The following ASIC2 variants were observed in gnomAD, a reference collection of about 807,000 sequenced individuals.
The protein encoded by ASIC2 is acid sensing ion channel subunit 2, also known as acid-sensing ion channel 2.
Under a neutral mutation model 57.3 loss-of-function variants are expected in ASIC2, and 25 were observed. That is an observed-to-expected ratio of 0.44 (90% CI 0.32 to 0.61). The LOEUF (loss-of-function observed/expected upper bound fraction) is 0.61. Ranked by LOEUF, ASIC2 falls within the 20% of genes least tolerant of loss-of-function variation. The pLI is 0.06. For synonymous variants in ASIC2, 319 were observed against 307.5 expected (o/e 1.04, Z -0.39); for missense variants, 641 against 738.1 (o/e 0.87, Z 1.52).
intron 1 of ASIC2, among the ~76,000 whole-genome samples, chr17:33,799,224 C>T (rs1432258445): frequency 6.6e-6 from 1 of 151,468 alleles, no homozygotes; most frequent in Non-Finnish European, 1.5e-5. Context: ...TCCTTCCTTC[C>T]TTCCTTCTTC....
Position 33,631,373 on chromosome 17 carries a change from T to A in ASIC2, c.556-519306A>T, listed in dbSNP as rs149915958. 2.3e-3 allele frequency among the ~76,000 whole-genome samples: 341 copies of A among 150,356 alleles called. 1 individual carries two copies. Among genetic ancestry groups the A allele is most frequent in the African/African-American group, 8.0e-3 (325 of 40,788 alleles). ...AGTTTCTTTTTGATGCCAGCCCGTC[T>A]CAGCTATACTAAGGAGAAACAGAGA... On this transcript the variant is annotated intron_variant, in intron 1 of 9. Transcript: ENST00000359872.
intron 1 of ASIC2, among the ~76,000 whole-genome samples, chr17:33,879,861 C>T (rs893556798): frequency 5.3e-5 from 8 of 152,324 alleles, no homozygotes; most frequent in African/African-American, 1.9e-4. Context: ...GGAAGTAAAG[C>T]TCTCCTCAGA....
chr17:33,762,299 T>C (rs1166969259), intron 1 of ASIC2, among the ~76,000 whole-genome samples: 1 of 152,150 alleles, frequency 6.6e-6, no homozygotes, highest in Non-Finnish European at 1.5e-5. Context: ...CCATTTATAA[T>C]ATTCTCAGGG....
intron 1 of ASIC2, among the ~76,000 whole-genome samples, chr17:33,579,813 A>G (rs1395932615): frequency 3.5e-4 from 54 of 152,200 alleles, no homozygotes; most frequent in Non-Finnish European, 7.1e-4. Flanking sequence ...CACCCCTTGG[A>G]TTTCGGCGTC....
chr17:33,663,930 C>T (rs901837174), intron 1 of ASIC2, among the ~76,000 whole-genome samples: 36 of 152,192 alleles, frequency 2.4e-4, no homozygotes, highest in African/African-American at 8.0e-4. Context: ...CCAGCTGCCC[C>T]AAACCTGTCC....
At chr17:33,464,788 T>G (rs1912807946) in intron 1 of ASIC2, among the ~76,000 whole-genome samples, 1 of 151,080 alleles carries the variant, frequency 6.6e-6, no homozygotes, top group Non-Finnish European at 1.5e-5. Context: ...ACCTGGAACT[T>G]TATACTGAAT....
At chr17:33,219,638 C>A (rs188927598) in intron 1 of ASIC2, among the ~76,000 whole-genome samples, 41 of 152,204 alleles carry the variant, frequency 2.7e-4, no homozygotes, top group African/African-American at 8.2e-4. Flanking sequence ...CTGTGTCCTG[C>A]GGGACTCTGG....
At chr17:33,531,850 A>G (rs2117389) in intron 1 of ASIC2, among the ~76,000 whole-genome samples, 108,403 of 152,012 alleles carry the variant, frequency 0.71, 38,822 homozygotes, top group African/African-American at 0.79. Context: ...TCGTGAGCAG[A>G]AATGATCACA....
chr17:33,204,180 G>A (rs1906977614), intron 1 of ASIC2, among the ~76,000 whole-genome samples: 2 of 152,188 alleles, frequency 1.3e-5, no homozygotes, highest in Non-Finnish European at 2.9e-5. Flanking sequence ...TCTTAAGTCT[G>A]GTTATTGTCT....
intron 1 of ASIC2, among the ~76,000 whole-genome samples, chr17:33,578,853 G>A (rs529088454): frequency 6.6e-6 from 1 of 151,738 alleles, no homozygotes; most frequent in Non-Finnish European, 1.5e-5. Flanking sequence ...GCTAAACATT[G>A]GGGTCTGTGA....
intron 1 of ASIC2, among the ~76,000 whole-genome samples, chr17:33,151,365 C>T (rs868589229): frequency 2.0e-5 from 3 of 151,520 alleles, no homozygotes; most frequent in Middle Eastern, 6.8e-3. Context: ...CAGAGAGATA[C>T]TTTGTCTCAA....
At chr17:33,717,516 C>T (rs145217646) in intron 1 of ASIC2, among the ~76,000 whole-genome samples, 47 of 152,274 alleles carry the variant, frequency 3.1e-4, no homozygotes, top group African/African-American at 1.1e-3. Flanking sequence ...GATGGGAGGT[C>T]ATAATGCTGG....
At chr17:33,750,413 T>A (rs1372138684) in intron 1 of ASIC2, among the ~76,000 whole-genome samples, 1 of 152,168 alleles carries the variant, frequency 6.6e-6, no homozygotes, top group South Asian at 2.1e-4. Context: ...CACGATATTG[T>A]GCAAAATAAA....
At chr17:33,779,967 C>CTTTTTT (rs759850922) in intron 1 of ASIC2, among the ~76,000 whole-genome samples, 7,866 of 85,074 alleles carry the variant, frequency 0.092, 901 homozygotes, top group African/African-American at 0.15. Context: ...CTACAGAAGC[C>CTTTTTT]TTTTTTTTTT....
At position 34,039,414 on chromosome 17, in the gene ASIC2, C is replaced by A. The variant is rs1015643324; in HGVS notation, c.555+116564G>T. 3.1e-6 allele frequency: 5 copies of A among 1,613,734 alleles called. No individual in the cohort carries two copies. In the African/African-American group the frequency reaches 6.7e-5, roughly 22 times the overall value. ...CTGTGTCAAGCCGAGGTTTTGCTAG[C>A]ATCACTGACATGAGGGTTGGCAGAG... is the stretch of plus-strand genomic sequence containing the variant. On this transcript the variant is annotated intron_variant, in intron 1 of 9. Coordinates refer to the ASIC2 transcript ENST00000359872.
chr17:34,033,946 A>G (rs1907743192), intron 1 of ASIC2, among the ~76,000 whole-genome samples: 1 of 152,168 alleles, frequency 6.6e-6, no homozygotes, highest in African/African-American at 2.4e-5. Context: ...AGAGGAGCTG[A>G]TATCACTCCT....
At chr17:34,011,023 T>TC (rs372970846) in intron 1 of ASIC2, among the ~76,000 whole-genome samples, 1 of 3,388 alleles carries the variant, frequency 3.0e-4, no homozygotes, top group Admixed American at 3.7e-3. Context: ...GATGCCAAAG[T>TC]CAGACACATG....
chr17:33,213,144 C>T (rs1907342173), intron 1 of ASIC2, among the ~76,000 whole-genome samples: 1 of 152,200 alleles, frequency 6.6e-6, no homozygotes, highest in African/African-American at 2.4e-5. Flanking sequence ...CTTGTGTTGG[C>T]CTCTCAAAGC....
intron 1 of ASIC2, among the ~76,000 whole-genome samples, chr17:33,207,455 G>A (rs764890895): frequency 3.3e-5 from 5 of 152,146 alleles, no homozygotes; most frequent in Non-Finnish European, 5.9e-5. Flanking sequence ...ACATCCCTGC[G>A]TGGTAGGCCT....
Sources: gnomAD v4.1 joint callset for allele counts (sites outside exome capture counted in the v4.1 genomes callset) on GRCh38, gnomAD v4.1.1 for gene constraint, MANE v1.5 for transcripts, NCBI Gene and HGNC (gene_info 2026-07-23, HGNC 2026-07-21) for gene names.